Variants in ARHGAP44 observed in about 807,000 individuals in gnomAD.
ARHGAP44 encodes the protein rho GTPase-activating protein 44.
A neutral mutation model predicts 106.8 loss-of-function variants in ARHGAP44; 43 were observed. That is an observed-to-expected ratio of 0.40 (90% CI 0.32 to 0.52). The LOEUF (loss-of-function observed/expected upper bound fraction) is 0.52. Ranked by LOEUF, ARHGAP44 falls within the 20% of genes least tolerant of loss-of-function variation. The probability of loss-of-function intolerance (pLI) is 0.48; values close to 1 mark genes in which losing one functional copy is unlikely to be tolerated. For synonymous variants in ARHGAP44, 439 were observed against 410.3 expected, an observed-to-expected ratio of 1.07 and a Z score of -0.85; for missense variants, 866 against 1,050.5, an observed-to-expected ratio of 0.82 and a Z score of 2.43.
chr17:12,840,502 A>G (rs554364650), intron 1 of ARHGAP44, among the ~76,000 whole-genome samples: 1 of 152,282 alleles, frequency 6.6e-6, no homozygotes, highest in Admixed American at 6.5e-5. Flanking sequence ...TTTGTCCCCC[A>G]ATTCCTTGGG....
At chr17:12,882,719 A>C (rs1044970341) in intron 1 of ARHGAP44, among the ~76,000 whole-genome samples, 22 of 152,062 alleles carry the variant, frequency 1.4e-4, no homozygotes, top group African/African-American at 4.6e-4. Flanking sequence ...TAATTTGTGC[A>C]TGTGATGAAT....
At chr17:12,906,723 CG>C (rs1416115713) in intron 3 of ARHGAP44, among the ~76,000 whole-genome samples, 1 of 151,870 alleles carries the variant, frequency 6.6e-6, no homozygotes, top group East Asian at 1.9e-4. Context: ...TTGCTTGAGC[CG>C]AGGAGTTCAA....
Position 12,949,101 on chromosome 17 carries a change from T to G in ARHGAP44, c.862-39T>G, listed in dbSNP as rs1275329984. 1.3e-6 allele frequency: 2 copies of G among 1,535,254 alleles called. No individual in the cohort carries two copies. The highest frequency in any genetic ancestry group is 1.8e-6 in the Non-Finnish European group (2 of 1,133,532). ...GGTCTCTGCGCTTTGATGTTGTACC[T>G]TGGAGTTGCTGTGCGCTGACCCTCT... On this transcript the variant is annotated intron_variant, in intron 10 of 20. Transcript: ENST00000379672. This position sits in a 1 kb window ranked among gnomAD's most constrained non-coding sequence, Gnocchi z 4.1.
intron 19 of ARHGAP44, 76 bp from the exon 20 acceptor site, chr17:12,984,455 G>A: frequency 6.8e-7 from 1 of 1,471,008 alleles, no homozygotes; most frequent in Non-Finnish European, 9.0e-7. Flanking sequence ...ACGCTGAAGG[G>A]TGTGTGAACA....
At chr17:12,874,186 G>GA (rs2036487300) in intron 1 of ARHGAP44, among the ~76,000 whole-genome samples, 1 of 152,176 alleles carries the variant, frequency 6.6e-6, no homozygotes, top group Non-Finnish European at 1.5e-5. Context: ...AAAAGAGGCT[G>GA]ACGGTTGAGT....
rs952969617 is a variant in ARHGAP44, at chr17:12,930,954, G to A, written c.582+1908G>A. ...GCCAAGCAGCCATAACAGTTATAAGGATAAGGAAGCCAGTGCTAGATAGAA... is the reference window on the plus strand; with the variant it reads ...GCCAAGCAGCCATAACAGTTATAAGAATAAGGAAGCCAGTGCTAGATAGAA... On this transcript the variant is annotated intron_variant, in intron 7 of 20. Transcript: ENST00000379672. Among the ~76,000 whole-genome samples, 12 of 152,252 alleles carry A rather than the reference G, an allele frequency of 7.9e-5. 1 individual carries two copies. Among genetic ancestry groups the A allele is most frequent in the South Asian group, 4.1e-4 (2 of 4,822 alleles).
In ARHGAP44 at chr17:12,908,916, C is replaced by T. The variant is rs1444946614; in HGVS notation, c.218C>T (p.Thr73Ile). ...TTTCAGAAAAAGTTGCCTTTGACAA[C>T]ACTGGCTCAGTGTCTGATGGAGGGG... ...DKRSKKLPLT[T>I]LAQCLMEGSA... is the part of the protein sequence containing the mutation. The change falls in exon 4 of 21, where the codon ACA becomes ATA. Residue 73 changes from threonine (T) to isoleucine (I), a missense_variant. Physicochemically the swap from Thr to Ile is moderately conservative, Grantham distance 89 (BLOSUM62 -1). This residue lies in a region of ARHGAP44 where 448 missense variants were observed against 646.9 expected (regional missense o/e 0.69). Transcript: ENST00000379672. The T allele has an allele frequency of 1.9e-6, 3 of 1,605,490 alleles. No individual in the cohort carries two copies. Among genetic ancestry groups the T allele is most frequent in the Middle Eastern group, 1.6e-4 (1 of 6,062 alleles).
intron 1 of ARHGAP44, among the ~76,000 whole-genome samples, chr17:12,800,711 G>A (rs572359786): frequency 2.0e-5 from 3 of 152,282 alleles, no homozygotes; most frequent in South Asian, 2.1e-4. Flanking sequence ...TCATTGCAAC[G>A]TCTCTGTGAA....
intron 1 of ARHGAP44, among the ~76,000 whole-genome samples, chr17:12,875,376 G>T (rs544331150): frequency 6.6e-6 from 1 of 151,422 alleles, no homozygotes; most frequent in Non-Finnish European, 1.5e-5. Flanking sequence ...GGAGGATTGC[G>T]TGAGCCCAGG....
At chr17:12,936,716 T>A (rs72815112) in intron 7 of ARHGAP44, among the ~76,000 whole-genome samples, 2,435 of 152,342 alleles carry the variant, frequency 0.016, 31 homozygotes, top group Admixed American at 0.023. Context: ...CCAAAGAGCA[T>A]AATTGCCTGA....
At chr17:12,877,278 C>T (rs993429359) in intron 1 of ARHGAP44, among the ~76,000 whole-genome samples, 8 of 151,998 alleles carry the variant, frequency 5.3e-5, no homozygotes, top group Admixed American at 2.0e-4. Context: ...ATTCATTTAC[C>T]GTAGACTGGT....
At chr17:12,794,612 C>G (rs570161859) in intron 1 of ARHGAP44, among the ~76,000 whole-genome samples, 10 of 152,028 alleles carry the variant, frequency 6.6e-5, no homozygotes, top group South Asian at 2.1e-4. Context: ...CTGGTTGGGT[C>G]GGGTTGAATT....
intron 1 of ARHGAP44, among the ~76,000 whole-genome samples, chr17:12,852,277 CT>C (rs66824907): frequency 0.13 from 9,711 of 73,494 alleles, 651 homozygotes; most frequent in African/African-American, 0.23. Flanking sequence ...ACTTTTGAAG[CT>C]TTTTTTTTTT....
At chr17:12,874,959 C>CGGGGGG (rs1316489797) in intron 1 of ARHGAP44, among the ~76,000 whole-genome samples, 1 of 12,902 alleles carries the variant, frequency 7.8e-5, no homozygotes, top group Non-Finnish European at 1.5e-4. Context: ...CAGGAGATGG[C>CGGGGGG]GGGGTGGGGG....
chr17:12,903,140 A>AGAGAGAGAGAGT (rs1403029479), intron 3 of ARHGAP44, among the ~76,000 whole-genome samples: 26 of 57,590 alleles, frequency 4.5e-4, no homozygotes, highest in African/African-American at 1.6e-3. Flanking sequence ...AGAGAGAGAG[A>AGAGAGAGAGAGT]GTGTGTGTGT....
chr17:12,869,822 A>G (rs1039006592), intron 1 of ARHGAP44, among the ~76,000 whole-genome samples: 10 of 151,848 alleles, frequency 6.6e-5, no homozygotes, highest in Non-Finnish European at 1.0e-4. Flanking sequence ...ATACTGTTTT[A>G]TAGCCTGCCC....
chr17:12,834,900 T>C (rs1225841296), intron 1 of ARHGAP44, among the ~76,000 whole-genome samples: 1 of 152,240 alleles, frequency 6.6e-6, no homozygotes, highest in Non-Finnish European at 1.5e-5. Flanking sequence ...TAATTATATC[T>C]ACCATGTTAG....
intron 1 of ARHGAP44, among the ~76,000 whole-genome samples, chr17:12,814,128 C>G (rs1327112760): frequency 6.6e-6 from 1 of 151,000 alleles, no homozygotes; most frequent in Non-Finnish European, 1.5e-5. Context: ...TGTGTATGCT[C>G]TTCTCTTTGG....
intron 1 of ARHGAP44, among the ~76,000 whole-genome samples, chr17:12,863,648 T>C (rs2036155542): frequency 6.6e-6 from 1 of 152,198 alleles, no homozygotes; most frequent in Admixed American, 6.5e-5. Context: ...CAAGTATTAA[T>C]CCTAAAGGAT....
Sources: gnomAD v4.1 joint callset for allele counts (sites outside exome capture counted in the v4.1 genomes callset) on GRCh38, gnomAD v4.1.1 for gene constraint, gnomAD v4.1.1 regional missense constraint, Gnocchi (gnomAD v3.1) non-coding constraint, MANE v1.5 for transcripts, NCBI Gene and HGNC (gene_info 2026-07-23, HGNC 2026-07-21) for gene names.